Variants in LRMDA observed in about 807,000 individuals in gnomAD.
The protein encoded by LRMDA is leucine-rich melanocyte differentiation-associated protein.
In LRMDA, 18 loss-of-function variants were observed where a neutral mutation model predicts 29.8. The ratio of observed to expected loss-of-function variants is 0.60; its 90% confidence interval spans 0.42 to 0.90. The LOEUF is 0.90. Ranked by LOEUF, LRMDA falls within the 40% of genes least tolerant of loss-of-function variation. The pLI is 0.00. For missense variants in LRMDA, 273 were observed against 273.9 expected, an observed-to-expected ratio of 1.00 and a Z score of 0.02; for synonymous variants, 125 against 109.4, an observed-to-expected ratio of 1.14 and a Z score of -0.89.
chr10:75,865,253 A>G (rs572754718), intron 2 of LRMDA, among the ~76,000 whole-genome samples: 6 of 152,340 alleles, frequency 3.9e-5, no homozygotes, highest in Admixed American at 2.0e-4. Flanking sequence ...GCAGAATAAT[A>G]GTTTGTTCTG....
At chr10:75,824,573 T>A (rs1178438947) in intron 2 of LRMDA, among the ~76,000 whole-genome samples, 1 of 152,228 alleles carries the variant, frequency 6.6e-6, no homozygotes, top group African/African-American at 2.4e-5. Flanking sequence ...CCCTGATTCT[T>A]ACTCTTGTAG....
At chr10:75,437,543 G>T (rs1255412460) in intron 1 of LRMDA, among the ~76,000 whole-genome samples, 3 of 152,132 alleles carry the variant, frequency 2.0e-5, no homozygotes, top group Non-Finnish European at 2.9e-5. Flanking sequence ...TTGCCAATCT[G>T]CCCACAGAGT....
chr10:75,655,061 T>C (rs1415104430), intron 2 of LRMDA, among the ~76,000 whole-genome samples: 1 of 152,246 alleles, frequency 6.6e-6, no homozygotes, highest in Non-Finnish European at 1.5e-5. Context: ...GTTATGTGTG[T>C]TTGTTATCAT....
chr10:75,677,874 A>C (rs1244835691), intron 2 of LRMDA, among the ~76,000 whole-genome samples: 1 of 152,192 alleles, frequency 6.6e-6, no homozygotes, highest in Non-Finnish European at 1.5e-5. Context: ...TATGCGATTA[A>C]GGTGGTCAAA....
At chr10:75,673,398 A>G (rs1841924352) in intron 2 of LRMDA, among the ~76,000 whole-genome samples, 1 of 152,224 alleles carries the variant, frequency 6.6e-6, no homozygotes, top group Non-Finnish European at 1.5e-5. Context: ...TTTTTCAGAT[A>G]AAAAACCAGA....
chr10:76,544,806 T>A (rs1006260857), intron 6 of LRMDA, among the ~76,000 whole-genome samples: 30 of 152,008 alleles, frequency 2.0e-4, no homozygotes, highest in African/African-American at 7.2e-4. Context: ...CAGGAAATTA[T>A]GAACATATTT....
chr10:75,583,702 T>C (rs1305611358), intron 2 of LRMDA, among the ~76,000 whole-genome samples: 1 of 152,132 alleles, frequency 6.6e-6, no homozygotes, highest in Non-Finnish European at 1.5e-5. Context: ...CCTCCTCTTG[T>C]ATTTTTTTCA....
chr10:76,442,235 A>T (rs1589189333), intron 6 of LRMDA, among the ~76,000 whole-genome samples: 1 of 152,204 alleles, frequency 6.6e-6, no homozygotes, highest in Admixed American at 6.5e-5. Flanking sequence ...AATGTTTAGT[A>T]GAATGAAGTA....
rs188027793 is a variant in LRMDA at position 76,551,165 on chromosome 10, C to T, written c.602-6044C>T. On this transcript the variant is annotated intron_variant, in intron 6 of 6. Transcript: ENST00000611255. Reference sequence around the variant, plus strand: ...AATGTTCACTGCACTTCTCTCTTTTCAACTAGATGTTGTGATTGCTTTGTT... The same window carrying T: ...AATGTTCACTGCACTTCTCTCTTTTTAACTAGATGTTGTGATTGCTTTGTT... Among the ~76,000 whole-genome samples, 602 of 151,218 alleles carry T rather than the reference C, an allele frequency of 4.0e-3. 3 individuals are homozygous for T. The highest frequency in any genetic ancestry group is 0.013 in the African/African-American group (552 of 41,488).
chr10:76,263,951 T>G (rs953381237), intron 5 of LRMDA, among the ~76,000 whole-genome samples: 1 of 152,190 alleles, frequency 6.6e-6, no homozygotes, highest in Non-Finnish European at 1.5e-5. Context: ...TCATCATAAC[T>G]CATTCGTAGG....
At chr10:75,681,015 A>G (rs1408083804) in intron 2 of LRMDA, among the ~76,000 whole-genome samples, 1 of 152,128 alleles carries the variant, frequency 6.6e-6, no homozygotes, top group African/African-American at 2.4e-5. Context: ...TGTTAATGAA[A>G]TTGGAACTTT....
intron 5 of LRMDA, among the ~76,000 whole-genome samples, chr10:76,108,836 T>A (rs940257315): frequency 9.9e-5 from 15 of 152,162 alleles, no homozygotes; most frequent in Non-Finnish European, 1.8e-4. Context: ...TGCTGAGTGA[T>A]TGTTCCTACA....
At chr10:76,482,204 AC>A (rs979935347) in intron 6 of LRMDA, among the ~76,000 whole-genome samples, 5 of 151,930 alleles carry the variant, frequency 3.3e-5, no homozygotes, top group African/African-American at 1.2e-4. Context: ...CCTTTTGGGC[AC>A]TTTTTATTGA....
intron 2 of LRMDA, among the ~76,000 whole-genome samples, chr10:75,587,316 G>A (rs559663569): frequency 1.1e-4 from 16 of 152,056 alleles, no homozygotes; most frequent in Non-Finnish European, 2.1e-4. Context: ...ATAATATCCA[G>A]GGTTGCGTTT....
intron 2 of LRMDA, among the ~76,000 whole-genome samples, chr10:76,024,303 G>C (rs188693015): frequency 9.2e-5 from 14 of 152,312 alleles, no homozygotes; most frequent in Admixed American, 9.2e-4. Context: ...TGCACAACTG[G>C]AAACAGTTGA....
At chr10:75,956,820 A>G (rs528028457) in intron 2 of LRMDA, among the ~76,000 whole-genome samples, 4 of 152,192 alleles carry the variant, frequency 2.6e-5, no homozygotes, top group Non-Finnish European at 5.9e-5. Flanking sequence ...CTTCACTGAT[A>G]TTCCATTAGC....
chr10:75,881,690 A>G (rs996540977), intron 2 of LRMDA, among the ~76,000 whole-genome samples: 5 of 152,252 alleles, frequency 3.3e-5, no homozygotes, highest in Non-Finnish European at 7.3e-5. Flanking sequence ...CAAGTGGCCA[A>G]TGAGAAACCT....
At chr10:76,442,432 C>A (rs939069197) in intron 6 of LRMDA, among the ~76,000 whole-genome samples, 1 of 152,158 alleles carries the variant, frequency 6.6e-6, no homozygotes, top group African/African-American at 2.4e-5. Flanking sequence ...TGGCTTACAC[C>A]TATAATCCTA....
At chr10:75,939,311 C>T (rs868268874) in intron 2 of LRMDA, among the ~76,000 whole-genome samples, 19 of 152,002 alleles carry the variant, frequency 1.2e-4, no homozygotes, top group African/African-American at 3.9e-4. Context: ...CACTGAACAC[C>T]CCATATTTGG....
Sources: gnomAD v4.1 joint callset for allele counts (sites outside exome capture counted in the v4.1 genomes callset) on GRCh38, gnomAD v4.1.1 for gene constraint, MANE v1.5 for transcripts, NCBI Gene and HGNC (gene_info 2026-07-23, HGNC 2026-07-21) for gene names.